The following SEMA3D variants were observed in gnomAD, a reference collection of about 807,000 sequenced individuals.
SEMA3D encodes semaphorin-3D.
A neutral mutation model predicts 100.1 loss-of-function variants in SEMA3D; 84 were observed. The ratio of observed to expected loss-of-function variants is 0.84; its 90% CI spans 0.70 to 1.01. SEMA3D has a LOEUF of 1.01. Ranked by LOEUF, SEMA3D falls within the 50% of genes least tolerant of loss-of-function variation. The pLI is 0.00. For missense variants in SEMA3D, 875 were observed against 934.1 expected, an observed-to-expected ratio of 0.94 and a Z score of 0.82; for synonymous variants, 312 against 320.7, an observed-to-expected ratio of 0.97 and a Z score of 0.29.
At chr7:85,049,459 T>C (rs1231796671) in intron 9 of SEMA3D, among the ~76,000 whole-genome samples, 1 of 151,382 alleles carries the variant, frequency 6.6e-6, no homozygotes, top group Non-Finnish European at 1.5e-5. Context: ...GTTAGGTAAA[T>C]CTAGGAATGT....
intron 4 of SEMA3D, among the ~76,000 whole-genome samples, chr7:85,087,530 T>C (rs1788259062): frequency 6.6e-6 from 1 of 152,318 alleles, no homozygotes; most frequent in African/African-American, 2.4e-5. Context: ...TAGCTAGTAA[T>C]TGAACAATTA....
intron 2 of SEMA3D, among the ~76,000 whole-genome samples, chr7:85,123,362 A>C (rs891306355): frequency 6.6e-6 from 1 of 152,184 alleles, no homozygotes; most frequent in Admixed American, 6.6e-5. Flanking sequence ...CATAATAAAA[A>C]AAGCATTAGA....
chr7:85,102,075 A>T (rs865942319), intron 3 of SEMA3D, among the ~76,000 whole-genome samples: 12 of 152,002 alleles, frequency 7.9e-5, no homozygotes, highest in African/African-American at 2.9e-4. Flanking sequence ...GTGTGGAACC[A>T]GTTATGTATA....
chr7:85,216,447 A>G, the SEMA3D span, among the ~76,000 whole-genome samples: 1 of 151,486 alleles, frequency 6.6e-6, no homozygotes, highest in Non-Finnish European at 1.5e-5. Context: ...TTCCCACTTT[A>G]CTACACACAA....
At chr7:85,073,124 T>C in intron 5 of SEMA3D, 43 bp from the exon 6 acceptor site, 1 of 1,587,774 alleles carries the variant, frequency 6.3e-7, no homozygotes, top group Non-Finnish European at 8.6e-7. Flanking sequence ...ACAATTCAGG[T>C]TTTTGAAATA....
At chr7:85,127,966 G>A (rs1490495070) in intron 2 of SEMA3D, among the ~76,000 whole-genome samples, 1 of 151,058 alleles carries the variant, frequency 6.6e-6, no homozygotes, top group Non-Finnish European at 1.5e-5. Context: ...ACATAAATCG[G>A]TTGTTTTTTA....
chr7:85,077,203 G>A (rs780570230), intron 5 of SEMA3D, among the ~76,000 whole-genome samples: 2 of 150,620 alleles, frequency 1.3e-5, no homozygotes, highest in Non-Finnish European at 3.0e-5. Context: ...TCTTAAAAAT[G>A]AGAGATCTAA....
At chr7:85,154,737 C>G (rs1019203) in intron 1 of SEMA3D, among the ~76,000 whole-genome samples, 4 of 151,910 alleles carry the variant, frequency 2.6e-5, no homozygotes, top group African/African-American at 9.7e-5. Flanking sequence ...TGAGTAAGTG[C>G]ATTGACTAAA....
At chr7:85,062,446 G>A (rs1040740624) in intron 8 of SEMA3D, among the ~76,000 whole-genome samples, 56 of 152,088 alleles carry the variant, frequency 3.7e-4, no homozygotes, top group African/African-American at 1.3e-3. Context: ...GGAAGTAAAA[G>A]CTCTTAGAAA....
At chr7:85,235,542 C>G in the SEMA3D span, among the ~76,000 whole-genome samples, 1 of 152,074 alleles carries the variant, frequency 6.6e-6, no homozygotes, top group Non-Finnish European at 1.5e-5. Flanking sequence ...GATCTCTGTT[C>G]AAGGGAATAA....
chr7:85,181,327 C>CAG (rs1443855972), intron 1 of SEMA3D, among the ~76,000 whole-genome samples: 2 of 105,196 alleles, frequency 1.9e-5, no homozygotes, highest in Non-Finnish European at 3.8e-5. Context: ...ACAACACACA[C>CAG]ACACACACAC....
At chr7:85,154,070 A>G (rs1790509677) in intron 1 of SEMA3D, among the ~76,000 whole-genome samples, 1 of 152,104 alleles carries the variant, frequency 6.6e-6, no homozygotes, top group African/African-American at 2.4e-5. Flanking sequence ...CCCATGGCCC[A>G]GTCAAGTGGA....
At chr7:85,219,563 A>C in the SEMA3D span, among the ~76,000 whole-genome samples, 1 of 152,080 alleles carries the variant, frequency 6.6e-6, no homozygotes. Flanking sequence ...AAAATTAATT[A>C]GATTATAACA....
chr7:85,089,074 G>A (rs1016762979), intron 4 of SEMA3D, among the ~76,000 whole-genome samples: 2 of 152,076 alleles, frequency 1.3e-5, no homozygotes, highest in African/African-American at 4.8e-5. Flanking sequence ...ATCAGAACAC[G>A]TGAATGTGAG....
At chr7:85,013,978 A>G (rs1272565528) in intron 16 of SEMA3D, among the ~76,000 whole-genome samples, 2 of 151,814 alleles carry the variant, frequency 1.3e-5, no homozygotes, top group Non-Finnish European at 2.9e-5. Flanking sequence ...GCCAAAAACC[A>G]TAACAAAATG....
chr7:85,228,933 T>A, the SEMA3D span, among the ~76,000 whole-genome samples: 1 of 152,026 alleles, frequency 6.6e-6, no homozygotes, highest in Admixed American at 6.5e-5. Flanking sequence ...GTAGCCCAGT[T>A]TATAAAATGC....
At chr7:85,160,200 G>A (rs944166648) in intron 1 of SEMA3D, among the ~76,000 whole-genome samples, 13 of 146,302 alleles carry the variant, frequency 8.9e-5, no homozygotes, top group East Asian at 4.1e-4. Flanking sequence ...AAGTAAATAC[G>A]TGTTTTTTTT....
At chr7:85,013,463 T>G (rs2115794070) in intron 16 of SEMA3D, among the ~76,000 whole-genome samples, 1 of 151,858 alleles carries the variant, frequency 6.6e-6, no homozygotes, top group Non-Finnish European at 1.5e-5. Flanking sequence ...AACAATGGCT[T>G]TTGTATCACA....
chr7:84,999,750 G>T lies in SEMA3D; in HGVS notation c.2024C>A (p.Thr675Asn). Reference protein sequence around the residue: ...CKAQEHTFIHTIVKLTLNVIE... With the variant: ...CKAQEHTFIHNIVKLTLNVIE... ...GACATTCAAAGTCAGCTTCACTATG[G>T]TGTGGATGAAAGTGTGCTCCTGGGC... Residue 675 changes from threonine to asparagine, a missense_variant, in exon 19 of 19, where the codon ACC becomes AAC. Transcript: ENST00000284136. 6.2e-7 allele frequency: 1 copy of T among 1,613,992 alleles called. No individual in the cohort carries two copies. Among genetic ancestry groups the T allele is most frequent in the Non-Finnish European group, 8.5e-7 (1 of 1,180,002 alleles).
Sources: allele counts gnomAD v4.1 joint callset (sites outside exome capture counted in the v4.1 genomes callset), GRCh38; gene constraint gnomAD v4.1.1; transcripts MANE v1.5; gene names NCBI Gene and HGNC (gene_info 2026-07-23, HGNC 2026-07-21).